Variants in CLSTN2 observed in about 807,000 individuals in gnomAD.
CLSTN2 encodes calsyntenin-2.
CLSTN2 carries 48 observed loss-of-function variants against 101.2 expected under a neutral mutation model. The ratio of observed to expected loss-of-function variants is 0.47; its 90% confidence interval spans 0.38 to 0.60. CLSTN2 has a LOEUF of 0.60. CLSTN2 is among the 20% of genes least tolerant of loss of function. The pLI is 0.00. For missense variants in CLSTN2, 1,160 were observed against 1,238.2 expected, an observed-to-expected ratio of 0.94 and a Z score of 0.95; for synonymous variants, 481 against 463.6, an observed-to-expected ratio of 1.04 and a Z score of -0.48.
chr3:140,517,851 G>A (rs974365818), intron 8 of CLSTN2, among the ~76,000 whole-genome samples: 9 of 152,276 alleles, frequency 5.9e-5, no homozygotes, highest in African/African-American at 2.2e-4. Flanking sequence ...GGTAATATAG[G>A]GAGGATCAGG....
intron 2 of CLSTN2, among the ~76,000 whole-genome samples, chr3:140,244,151 G>C (rs931899398): frequency 3.3e-5 from 5 of 152,184 alleles, no homozygotes; most frequent in African/African-American, 2.4e-5. Flanking sequence ...GTCAAGCCAG[G>C]GTTATGTAGC....
Position 140,556,628 on chromosome 3 carries a change from G to T in CLSTN2, c.1790G>T (p.Gly597Val). ...YINSRQFPTAGVRRLKVSSKV... is the reference protein window; with the variant it reads ...YINSRQFPTAVVRRLKVSSKV... ...AACTCCAGGCAGTTCCCAACGGCGG[G>T]TGTGCGGCGCCTCAAAGTATCCTCC... The change falls in exon 11 of 17, where the codon GGT becomes GTT. Residue 597 changes from glycine to valine, a missense_variant. By Grantham distance (109) the Gly-to-Val change is moderately radical. Transcript: ENST00000458420. The T allele has an allele frequency of 6.2e-7, 1 of 1,614,056 alleles. No homozygotes were observed. Among genetic ancestry groups the T allele is most frequent in the Non-Finnish European group, 8.5e-7 (1 of 1,179,960 alleles).
intron 2 of CLSTN2, among the ~76,000 whole-genome samples, chr3:140,316,422 A>T (rs1251011739): frequency 6.6e-6 from 1 of 152,202 alleles, no homozygotes; most frequent in Admixed American, 6.5e-5. Flanking sequence ...GCCAACCATG[A>T]TGCTAGTACA....
chr3:140,286,278 G>A (rs55909253), intron 2 of CLSTN2, among the ~76,000 whole-genome samples: 1,898 of 152,238 alleles, frequency 0.012, 14 homozygotes, highest in Middle Eastern at 0.017. Context: ...GTGGTTTTCC[G>A]TCATTGATAG....
At chr3:140,374,508 T>C (rs1008769400) in intron 2 of CLSTN2, among the ~76,000 whole-genome samples, 1 of 152,178 alleles carries the variant, frequency 6.6e-6, no homozygotes, top group Non-Finnish European at 1.5e-5. Flanking sequence ...AAACCTCTAC[T>C]GAAGTTACAA....
At chr3:140,142,941 A>G (rs1203286661) in intron 1 of CLSTN2, among the ~76,000 whole-genome samples, 2 of 152,214 alleles carry the variant, frequency 1.3e-5, no homozygotes, top group Non-Finnish European at 2.9e-5. Context: ...AAGCCTGAGT[A>G]GCAGATCAAC....
At chr3:140,409,153 G>A (rs2088336424) in intron 4 of CLSTN2, among the ~76,000 whole-genome samples, 1 of 152,214 alleles carries the variant, frequency 6.6e-6, no homozygotes, top group African/African-American at 2.4e-5. Context: ...TGTATACCAT[G>A]AGCCTTGACT....
chr3:140,168,309 G>T (rs1320994635), intron 1 of CLSTN2, among the ~76,000 whole-genome samples: 1 of 151,896 alleles, frequency 6.6e-6, no homozygotes, highest in Non-Finnish European at 1.5e-5. Flanking sequence ...GCTCTAATTT[G>T]CTGTTTATAT....
intron 2 of CLSTN2, among the ~76,000 whole-genome samples, chr3:140,221,862 A>G (rs1417401830): frequency 6.6e-6 from 1 of 152,172 alleles, no homozygotes; most frequent in Non-Finnish European, 1.5e-5. Flanking sequence ...CTTATACACT[A>G]TTGGTGGGAA....
rs1985361218 is a variant in CLSTN2 at position 140,568,199 on chromosome 3, A to G, written c.*1946A>G. On this transcript the variant is annotated 3_prime_UTR_variant, in exon 17 of 17. Coordinates refer to ENST00000458420, the MANE Select transcript of CLSTN2 (RefSeq NM_022131.3). Reference sequence around the variant, plus strand: ...TAACAGACACTGCTGCAAACCTACTATGTGCTAAGCATCCTACCAATAGCT... The same window carrying G: ...TAACAGACACTGCTGCAAACCTACTGTGTGCTAAGCATCCTACCAATAGCT... 6.6e-6 allele frequency: 1 copy of G among 152,260 alleles called. No homozygotes were observed. The highest frequency in any genetic ancestry group is 1.5e-5 in the Non-Finnish European group (1 of 68,052). The allele number at this position is 152,260 out of a possible 1,614,324, so 9.4% of individuals were successfully genotyped here. A position where few individuals can be genotyped will look rare whatever the true frequency, so the allele number is the denominator to read the frequency against.
chr3:139,977,321 G>T (rs1046723419), intron 1 of CLSTN2, among the ~76,000 whole-genome samples: 4 of 152,064 alleles, frequency 2.6e-5, no homozygotes, highest in Admixed American at 6.5e-5. Flanking sequence ...GGAAGGAGAG[G>T]CCCCAGAGAA....
rs149606127 is a variant in CLSTN2, at chr3:140,110,880, C to G, written c.110-65071C>G. On this transcript the variant is annotated intron_variant, in intron 1 of 16. Transcript: ENST00000458420. ...AGCCCCTAGACCAAGATGGGACTTG[C>G]AATTGGCTCCCAGGAAGAAAATCAG... 2.2e-3 allele frequency among the ~76,000 whole-genome samples: 328 copies of G among 152,236 alleles called. 1 individual carries two copies. The highest frequency in any genetic ancestry group is 7.6e-3 in the African/African-American group (316 of 41,548).
intron 8 of CLSTN2, among the ~76,000 whole-genome samples, chr3:140,527,556 C>A (rs1280588261): frequency 6.6e-6 from 1 of 152,198 alleles, no homozygotes; most frequent in East Asian, 1.9e-4. Flanking sequence ...TTTGACCCAG[C>A]AATCCCATTA....
At chr3:140,334,719 G>A (rs1454719456) in intron 2 of CLSTN2, among the ~76,000 whole-genome samples, 1 of 152,194 alleles carries the variant, frequency 6.6e-6, no homozygotes, top group Non-Finnish European at 1.5e-5. Flanking sequence ...CACAGAGGAG[G>A]GGGGCAACAG....
At chr3:140,253,237 G>A (rs1341906179) in intron 2 of CLSTN2, among the ~76,000 whole-genome samples, 3 of 152,116 alleles carry the variant, frequency 2.0e-5, no homozygotes, top group Non-Finnish European at 4.4e-5. Context: ...TCACGGGCAG[G>A]AGTAGGAGGA....
At chr3:140,281,347 G>A (rs2086844988) in intron 2 of CLSTN2, among the ~76,000 whole-genome samples, 1 of 152,170 alleles carries the variant, frequency 6.6e-6, no homozygotes, top group African/African-American at 2.4e-5. Flanking sequence ...TGGACTTTGA[G>A]GCTCTTTCAG....
intron 1 of CLSTN2, among the ~76,000 whole-genome samples, chr3:140,139,247 C>T (rs2009660533): frequency 6.6e-6 from 1 of 152,192 alleles, no homozygotes; most frequent in African/African-American, 2.4e-5. Flanking sequence ...TCCTAAGCTA[C>T]TAAGCATCTC....
At chr3:140,402,046 G>A (rs1253778646) in intron 2 of CLSTN2, among the ~76,000 whole-genome samples, 1 of 152,180 alleles carries the variant, frequency 6.6e-6, no homozygotes, top group African/African-American at 2.4e-5. Flanking sequence ...TGGGAGATGG[G>A]GGTGGTAGTG....
intron 1 of CLSTN2, among the ~76,000 whole-genome samples, chr3:140,163,809 G>A (rs1414322732): frequency 6.6e-6 from 1 of 151,768 alleles, no homozygotes; most frequent in African/African-American, 2.4e-5. Context: ...AGAATTTAAT[G>A]AGAACACGAC....
Sources: allele counts gnomAD v4.1 joint callset (sites outside exome capture counted in the v4.1 genomes callset), GRCh38; gene constraint gnomAD v4.1.1; transcripts MANE v1.5; gene names NCBI Gene and HGNC (gene_info 2026-07-23, HGNC 2026-07-21).